RBFOX3: variants seen among roughly 807,000 people sequenced by gnomAD.
RBFOX3 encodes RNA binding protein fox-1 homolog 3.
A neutral mutation model predicts 48.7 loss-of-function variants in RBFOX3; 17 were observed. The ratio of observed to expected loss-of-function variants is 0.35; its 90% CI spans 0.24 to 0.52. The LOEUF is 0.52. Among genes scored for constraint, RBFOX3 ranks in the 20% least tolerant of loss-of-function variants. RBFOX3 has a pLI of 0.94. For missense variants in RBFOX3, 382 were observed against 497.5 expected (o/e 0.77, Z 2.21); for synonymous variants, 212 against 209.5 (o/e 1.01, Z -0.10).
At chr17:79,519,764 C>T (rs941049448) in intron 1 of RBFOX3, among the ~76,000 whole-genome samples, 55 of 152,294 alleles carry the variant, frequency 3.6e-4, no homozygotes, top group African/African-American at 1.3e-3. Flanking sequence ...TCAGTCACGT[C>T]TCCATGACTG....
At chr17:79,507,156 C>A (rs923941586) in intron 1 of RBFOX3, among the ~76,000 whole-genome samples, 13 of 152,280 alleles carry the variant, frequency 8.5e-5, no homozygotes, top group East Asian at 1.9e-4. Flanking sequence ...ATTCTCCACA[C>A]CCTGCAGCAG....
chr17:79,097,641 C>T (rs569762128), intron 10 of RBFOX3, 51 bp downstream of exon 10: 1 of 1,447,706 alleles, frequency 6.9e-7, no homozygotes, highest in Non-Finnish European at 9.5e-7. Context: ...CGGAGCCCCA[C>T]GGGGCCAAGT....
chr17:79,226,432 A>G (rs1051984165), intron 4 of RBFOX3, among the ~76,000 whole-genome samples: 12 of 152,114 alleles, frequency 7.9e-5, no homozygotes, highest in Non-Finnish European at 1.5e-4. Flanking sequence ...GGATTTTGTA[A>G]TGGTTGGTAT....
At chr17:79,457,992 C>T (rs1199038573) in intron 2 of RBFOX3, among the ~76,000 whole-genome samples, 1 of 152,226 alleles carries the variant, frequency 6.6e-6, no homozygotes, top group African/African-American at 2.4e-5. Flanking sequence ...CTCACCTGGG[C>T]CAGGGCAGCA....
chr17:79,533,338 C>A (rs1034093435), intron 1 of RBFOX3, among the ~76,000 whole-genome samples: 2 of 152,250 alleles, frequency 1.3e-5, no homozygotes, highest in East Asian at 3.8e-4. Flanking sequence ...CTGGCCATGC[C>A]CATTGGCTGG....
Position 79,249,742 on chromosome 17 carries a change from C to G in RBFOX3, c.-73-13937G>C, listed in dbSNP as rs2063669614. On this transcript the variant is annotated intron_variant, in intron 3 of 14. Coordinates refer to ENST00000693108, the MANE Select transcript of RBFOX3 (RefSeq NM_001350451.2). The surrounding 1 kb of genome is among the most constrained non-coding windows in gnomAD (Gnocchi z 4.1). The stretch of plus-strand genomic sequence containing the variant: ...CAAGACCCCTGCCCCTGTGAACCCC[C>G]ATTCCCTCTGCCTCCCGACCAAACC... Among the ~76,000 whole-genome samples, 1 of 152,160 alleles carries G rather than the reference C, an allele frequency of 6.6e-6. No individual in the cohort carries two copies. Among genetic ancestry groups the G allele is most frequent in the Non-Finnish European group, 1.5e-5 (1 of 68,034 alleles).
At chr17:79,622,055 A>C in the RBFOX3 span, among the ~76,000 whole-genome samples, 33 of 152,174 alleles carry the variant, frequency 2.2e-4, no homozygotes, top group Non-Finnish European at 4.0e-4. Flanking sequence ...AAGATCTTTC[A>C]AAAGTAGGGC....
intron 2 of RBFOX3, among the ~76,000 whole-genome samples, chr17:79,405,078 C>T (rs1267261056): frequency 2.6e-5 from 4 of 152,204 alleles, no homozygotes; most frequent in African/African-American, 9.6e-5. Context: ...TTCCCCAGGT[C>T]TCTCCAAAAA....
intron 2 of RBFOX3, among the ~76,000 whole-genome samples, chr17:79,309,003 A>T (rs2076464677): frequency 6.6e-6 from 1 of 151,830 alleles, no homozygotes; most frequent in Non-Finnish European, 1.5e-5. Context: ...GCTACCAGGG[A>T]GTCTGAGACA....
At chr17:79,516,425 C>G (rs2085258902) in intron 1 of RBFOX3, among the ~76,000 whole-genome samples, 1 of 152,262 alleles carries the variant, frequency 6.6e-6, no homozygotes, top group Non-Finnish European at 1.5e-5. Flanking sequence ...GGCAGAGAGA[C>G]ACAGGCTCTC....
At chr17:79,631,217 G>C in the RBFOX3 span, among the ~76,000 whole-genome samples, 1 of 152,146 alleles carries the variant, frequency 6.6e-6, no homozygotes, top group South Asian at 2.1e-4. Flanking sequence ...GCAGATGTGG[G>C]AAGGAACCCT....
At chr17:79,461,119 T>A (rs1434408346) in intron 2 of RBFOX3, among the ~76,000 whole-genome samples, 1 of 152,214 alleles carries the variant, frequency 6.6e-6, no homozygotes, top group Non-Finnish European at 1.5e-5. Flanking sequence ...GTCTCCTCCA[T>A]GAAACGGCAA....
intron 4 of RBFOX3, among the ~76,000 whole-genome samples, chr17:79,181,350 C>A (rs1211556937): frequency 6.6e-6 from 1 of 152,236 alleles, no homozygotes; most frequent in Non-Finnish European, 1.5e-5. Context: ...AATAACCTGA[C>A]CTGGCCACCC....
At chr17:79,092,516 T>G in intron 14 of RBFOX3, 2 of 985,906 alleles carry the variant, frequency 2.0e-6, no homozygotes, top group Non-Finnish European at 2.4e-6. Flanking sequence ...TGTCTTCTGG[T>G]GGCTGTGCCT....
intron 1 of RBFOX3, among the ~76,000 whole-genome samples, chr17:79,527,861 A>G (rs925891405): frequency 2.0e-5 from 3 of 152,146 alleles, no homozygotes; most frequent in Non-Finnish European, 4.4e-5. Flanking sequence ...GGCAAAAGGG[A>G]AGGGGCGGTT....
chr17:79,208,788 A>T (rs1366432381), intron 4 of RBFOX3, among the ~76,000 whole-genome samples: 1 of 148,634 alleles, frequency 6.7e-6, no homozygotes, highest in Non-Finnish European at 1.5e-5. Flanking sequence ...CCTCACTCCC[A>T]TCTCCACCCT....
At chr17:79,643,558 T>C in the RBFOX3 span, among the ~76,000 whole-genome samples, 1 of 152,232 alleles carries the variant, frequency 6.6e-6, no homozygotes, top group Non-Finnish European at 1.5e-5. Flanking sequence ...AAAGTCTTCA[T>C]ACATTTCAAA....
At chr17:79,106,592 G>C (rs533797940) in intron 6 of RBFOX3, 59 bp downstream of exon 6, 60 of 1,397,188 alleles carry the variant, frequency 4.3e-5, no homozygotes, top group Middle Eastern at 2.3e-4. Flanking sequence ...GCCTGTGGGC[G>C]CCACCCTGGA....
At chr17:79,130,236 T>C (rs1441486545) in intron 4 of RBFOX3, among the ~76,000 whole-genome samples, 1 of 152,152 alleles carries the variant, frequency 6.6e-6, no homozygotes, top group Non-Finnish European at 1.5e-5. Flanking sequence ...CCACCGGCTC[T>C]CAGGTCCCCT....
Sources: gnomAD v4.1 joint callset for allele counts (sites outside exome capture counted in the v4.1 genomes callset) on GRCh38, gnomAD v4.1.1 for gene constraint, Gnocchi (gnomAD v3.1) non-coding constraint, MANE v1.5 for transcripts, NCBI Gene and HGNC (gene_info 2026-07-23, HGNC 2026-07-21) for gene names.